CACNA2D3: variants seen among roughly 807,000 people sequenced by gnomAD.
The protein encoded by CACNA2D3 is voltage-dependent calcium channel subunit alpha-2/delta-3.
Under a neutral mutation model 160.6 loss-of-function variants are expected in CACNA2D3, and 60 were observed. The observed-to-expected ratio is 0.37, with a 90% CI of 0.30 to 0.46. The LOEUF (loss-of-function observed/expected upper bound fraction) is 0.46, where lower values mean the gene tolerates loss of function less well. CACNA2D3 is among the 20% of genes least tolerant of loss of function. CACNA2D3 has a pLI of 1.00. For synonymous variants in CACNA2D3, 558 were observed against 492.9 expected (o/e 1.13, Z -1.75); for missense variants, 1,205 against 1,365.0 (o/e 0.88, Z 1.85).
intron 26 of CACNA2D3, among the ~76,000 whole-genome samples, chr3:54,898,134 TTTCTTTTTTC>T (rs1035224025): frequency 8.8e-5 from 12 of 135,916 alleles, no homozygotes; most frequent in African/African-American, 3.5e-4. Flanking sequence ...TCTTTTTCTT[TTTCTTTTTTC>T]TTTCTTTCTT....
At position 55,004,716 on chromosome 3, in the gene CACNA2D3, C is replaced by T. The variant is rs775421731; in HGVS notation, c.2691-47C>T. The T allele has an allele frequency of 9.2e-6, 12 of 1,309,326 alleles. No homozygotes were observed. The South Asian group carries it at 1.1e-4, about 12-fold the overall frequency. 81.1% of individuals were successfully genotyped at this position (1,309,326 alleles called of 1,614,324 possible). A position where few individuals can be genotyped will look rare whatever the true frequency, so the allele number is the denominator to read the frequency against. On this transcript the variant is annotated intron_variant, in intron 31 of 37. Transcript: ENST00000474759. Reference sequence around the variant, plus strand: ...TGTAGTACATAGCATCAATTGGTTCCCGTGTTTTCTCATTTAGTGAAGCTC... The same window carrying T: ...TGTAGTACATAGCATCAATTGGTTCTCGTGTTTTCTCATTTAGTGAAGCTC...
chr3:54,947,035 T>G (rs1207629980), intron 27 of CACNA2D3, among the ~76,000 whole-genome samples: 2 of 152,192 alleles, frequency 1.3e-5, no homozygotes, highest in Admixed American at 1.3e-4. Flanking sequence ...ATCAATAATC[T>G]TTTCTGGAAC....
intron 35 of CACNA2D3, among the ~76,000 whole-genome samples, chr3:55,059,679 C>T (rs1055945156): frequency 2.6e-5 from 4 of 152,106 alleles, no homozygotes; most frequent in East Asian, 3.9e-4. Flanking sequence ...TCTTGGTACC[C>T]GGGTTCTTGT....
At chr3:54,637,839 A>G (rs527437902) in intron 10 of CACNA2D3, 1 of 152,116 alleles carries the variant, frequency 6.6e-6, no homozygotes, top group East Asian at 1.9e-4. Flanking sequence ...TGAGTTGAAC[A>G]GTCCGATTTT....
chr3:54,321,319 C>CA (rs11288559), intron 3 of CACNA2D3, among the ~76,000 whole-genome samples: 50 of 140,666 alleles, frequency 3.6e-4, no homozygotes, highest in East Asian at 1.3e-3. Flanking sequence ...GACTCCGGCT[C>CA]AAAAAAAAAA....
At chr3:54,339,421 C>T (rs780425335) in intron 3 of CACNA2D3, among the ~76,000 whole-genome samples, 8 of 152,172 alleles carry the variant, frequency 5.3e-5, no homozygotes, top group Non-Finnish European at 1.0e-4. Context: ...CCACCACGAC[C>T]GCTGTTACGC....
intron 13 of CACNA2D3, among the ~76,000 whole-genome samples, chr3:54,808,411 CAGT>C (rs1004197610): frequency 2.0e-5 from 3 of 151,990 alleles, no homozygotes; most frequent in African/African-American, 7.3e-5. Context: ...GATCTTTCCC[CAGT>C]AGTTTAGTTC....
chr3:54,577,496 G>C (rs1702604387), intron 8 of CACNA2D3, among the ~76,000 whole-genome samples: 1 of 151,438 alleles, frequency 6.6e-6, no homozygotes. Flanking sequence ...AAGGACACAT[G>C]CCCCTGTTCC....
At chr3:54,185,579 A>G (rs1700866858) in intron 2 of CACNA2D3, among the ~76,000 whole-genome samples, 1 of 152,174 alleles carries the variant, frequency 6.6e-6, no homozygotes, top group Non-Finnish European at 1.5e-5. Flanking sequence ...TAGATTCAAC[A>G]CTAAATCCTG....
intron 11 of CACNA2D3, among the ~76,000 whole-genome samples, chr3:54,742,467 G>T (rs970811770): frequency 6.6e-6 from 1 of 152,002 alleles, no homozygotes; most frequent in Non-Finnish European, 1.5e-5. Flanking sequence ...TTACCCCAAG[G>T]CCTCACAGCT....
intron 13 of CACNA2D3, among the ~76,000 whole-genome samples, chr3:54,806,599 A>T (rs1703133122): frequency 6.6e-6 from 1 of 152,206 alleles, no homozygotes; most frequent in African/African-American, 2.4e-5. Flanking sequence ...GGGTAGGAAG[A>T]ATCAATATCG....
rs569116873 is a variant in CACNA2D3 at position 54,436,706 on chromosome 3, A to T, written c.381+49932A>T. On this transcript the variant is annotated intron_variant, in intron 4 of 37. Transcript: ENST00000474759. The stretch of plus-strand genomic sequence containing the variant: ...AGAAAACCAAACACTGCGTGTTCTC[A>T]CTCATAAGTGGGAGTTGAACAATGA... Among the ~76,000 whole-genome samples, 6 of 152,254 alleles carry T rather than the reference A, an allele frequency of 3.9e-5. No individual in the cohort carries two copies. In the East Asian group the frequency reaches 9.7e-4, roughly 25 times the overall value.
intron 29 of CACNA2D3, 116 bp downstream of exon 29, chr3:54,969,960 C>T: frequency 1.5e-6 from 1 of 667,070 alleles, no homozygotes; most frequent in Non-Finnish European, 2.3e-6. Context: ...TGTACTGGGC[C>T]AATCTAAAAA....
chr3:54,999,686 G>A (rs3773573), intron 31 of CACNA2D3, among the ~76,000 whole-genome samples: 59,430 of 152,040 alleles, frequency 0.39, 13,012 homozygotes, highest in East Asian at 0.56. Context: ...AATAAATGTT[G>A]AGCCCCACAG....
At position 54,902,149 on chromosome 3, in the gene CACNA2D3, A is replaced by G. The variant is rs561345580; in HGVS notation, c.2449+2281A>G. On this transcript the variant is annotated intron_variant, in intron 27 of 37. Transcript: ENST00000474759. ...GGTCTCAATGAAATCCTTGTGTTAA[A>G]GTGGAACTCTTCTGAAAGAAGAGGT... 9.2e-5 allele frequency among the ~76,000 whole-genome samples: 14 copies of G among 152,330 alleles called. No homozygotes were observed. The South Asian group carries it at 2.9e-3, about 32-fold the overall frequency.
intron 2 of CACNA2D3, among the ~76,000 whole-genome samples, chr3:54,299,212 T>TAAA (rs10663745): frequency 0.021 from 3,031 of 147,114 alleles, 36 homozygotes; most frequent in Middle Eastern, 0.045. Context: ...GTTCCATTAT[T>TAAA]AAAAAAAAAA....
chr3:54,771,541 C>A (rs1702321834), intron 13 of CACNA2D3, among the ~76,000 whole-genome samples: 1 of 152,164 alleles, frequency 6.6e-6, no homozygotes, highest in South Asian at 2.1e-4. Context: ...TGCTTGCTGT[C>A]AGCTGGGGAC....
intron 4 of CACNA2D3, among the ~76,000 whole-genome samples, chr3:54,445,351 C>G (rs1700204796): frequency 6.6e-6 from 1 of 152,158 alleles, no homozygotes; most frequent in African/African-American, 2.4e-5. Flanking sequence ...TCAGGCCGAG[C>G]AAAACATGCC....
intron 13 of CACNA2D3, among the ~76,000 whole-genome samples, chr3:54,785,714 C>T (rs1702627732): frequency 6.6e-6 from 1 of 152,214 alleles, no homozygotes; most frequent in Non-Finnish European, 1.5e-5. Context: ...GACAAATCCA[C>T]TGAAGACAGC....
Sources: allele counts gnomAD v4.1 joint callset (sites outside exome capture counted in the v4.1 genomes callset), GRCh38; gene constraint gnomAD v4.1.1; transcripts MANE v1.5; gene names NCBI Gene and HGNC (gene_info 2026-07-23, HGNC 2026-07-21).